PDGFD: variants seen among roughly 807,000 people sequenced by gnomAD.
PDGFD encodes platelet derived growth factor D, also known as platelet-derived growth factor D.
A neutral mutation model predicts 44.7 loss-of-function variants in PDGFD; 30 were observed. The observed-to-expected ratio is 0.67, with a 90% CI of 0.50 to 0.91. PDGFD has a LOEUF of 0.91. Ranked by LOEUF, PDGFD falls within the 40% of genes least tolerant of loss-of-function variation. The pLI is 0.00. For missense variants in PDGFD, 445 were observed against 457.8 expected, an observed-to-expected ratio of 0.97 and a Z score of 0.25; for synonymous variants, 173 against 168.4, an observed-to-expected ratio of 1.03 and a Z score of -0.21.
chr11:103,943,407 G>GT, intron 5 of PDGFD, 45 bp downstream of exon 5: 1 of 1,552,380 alleles, frequency 6.4e-7, no homozygotes. Context: ...GTACTGTTAA[G>GT]ATTTCTATGT....
intron 1 of PDGFD, among the ~76,000 whole-genome samples, chr11:104,024,952 A>G (rs150167105): frequency 6.6e-4 from 101 of 152,334 alleles, no homozygotes; most frequent in African/African-American, 2.4e-3. Context: ...AGTGATTGAT[A>G]CTTTAGAATA....
chr11:103,978,320 T>C (rs1156424343), intron 3 of PDGFD, among the ~76,000 whole-genome samples: 3 of 152,002 alleles, frequency 2.0e-5, no homozygotes, highest in Admixed American at 1.3e-4. Flanking sequence ...TTTCAAAACA[T>C]GAACATTGTC....
intron 1 of PDGFD, among the ~76,000 whole-genome samples, chr11:104,017,984 T>TA (rs1305045252): frequency 6.6e-6 from 1 of 152,210 alleles, no homozygotes; most frequent in East Asian, 1.9e-4. Context: ...ATTTTCAGAT[T>TA]AAAAAAATAC....
chr11:103,954,082 A>C (rs143155926), intron 3 of PDGFD, among the ~76,000 whole-genome samples: 2 of 152,350 alleles, frequency 1.3e-5, no homozygotes, highest in East Asian at 3.9e-4. Context: ...TGTCAACAAC[A>C]ATCCTTGCTA....
chr11:103,938,553 G>A (rs1858530650), intron 5 of PDGFD, among the ~76,000 whole-genome samples: 1 of 152,002 alleles, frequency 6.6e-6, no homozygotes, highest in South Asian at 2.1e-4. Context: ...AAGCTCTTTA[G>A]TTTAATTAGA....
chr11:103,941,585 C>A (rs10750678), intron 5 of PDGFD, among the ~76,000 whole-genome samples: 49,417 of 151,752 alleles, frequency 0.33, 8,400 homozygotes, highest in East Asian at 0.39. Context: ...TGTTATTGCA[C>A]ACACATTGCC....
At chr11:104,058,042 TGTGAA>T (rs1860649928) in intron 1 of PDGFD, among the ~76,000 whole-genome samples, 1 of 152,136 alleles carries the variant, frequency 6.6e-6, no homozygotes, top group African/African-American at 2.4e-5. Context: ...TAGACCTAAA[TGTGAA>T]GCCTGTAATA....
At chr11:103,977,188 G>C (rs987430832) in intron 3 of PDGFD, among the ~76,000 whole-genome samples, 1 of 152,012 alleles carries the variant, frequency 6.6e-6, no homozygotes, top group Non-Finnish European at 1.5e-5. Context: ...CTGAAATTGA[G>C]GCAGTAATTA....
intron 3 of PDGFD, among the ~76,000 whole-genome samples, chr11:103,967,757 C>T (rs1859043471): frequency 6.6e-6 from 1 of 152,168 alleles, no homozygotes; most frequent in Non-Finnish European, 1.5e-5. Context: ...GCCTTTCTTC[C>T]ACCCATATCT....
rs529582834 is a variant in PDGFD, at chr11:103,943,929, G to A, written c.574-279C>T. 4.6e-5 allele frequency among the ~76,000 whole-genome samples: 7 copies of A among 151,584 alleles called. No homozygotes were observed. In the South Asian group the frequency reaches 1.5e-3, roughly 32 times the overall value. ...GTGTAATCATCTAAAAATATAGAAC[G>A]AGATAGAAATATATAAAATTAAGTT... On this transcript the variant is annotated intron_variant, in intron 4 of 6. Coordinates refer to ENST00000393158, the MANE Select transcript of PDGFD (RefSeq NM_025208.5).
At chr11:103,976,209 C>G (rs985799323) in intron 3 of PDGFD, among the ~76,000 whole-genome samples, 1 of 152,118 alleles carries the variant, frequency 6.6e-6, no homozygotes, top group Non-Finnish European at 1.5e-5. Flanking sequence ...AGAGGTCCTT[C>G]ACATCCGTTG....
intron 3 of PDGFD, among the ~76,000 whole-genome samples, chr11:103,957,502 C>T (rs1339180903): frequency 2.6e-5 from 4 of 152,122 alleles, no homozygotes; most frequent in Admixed American, 2.6e-4. Context: ...CAGCATGGTA[C>T]AGGTACCAAA....
intron 1 of PDGFD, among the ~76,000 whole-genome samples, chr11:104,017,522 T>C (rs1179388065): frequency 6.6e-6 from 1 of 152,232 alleles, no homozygotes; most frequent in African/African-American, 2.4e-5. Flanking sequence ...TTCATCACTG[T>C]TCTGCCCGAT....
intron 1 of PDGFD, among the ~76,000 whole-genome samples, chr11:104,112,265 GC>G (rs1861569952): frequency 6.6e-6 from 1 of 151,902 alleles, no homozygotes; most frequent in African/African-American, 2.4e-5. Context: ...GTTTTGACTT[GC>G]ATTTCTCTAA....
chr11:104,034,633 C>G (rs947347852), intron 1 of PDGFD, among the ~76,000 whole-genome samples: 2 of 143,556 alleles, frequency 1.4e-5, no homozygotes, highest in Non-Finnish European at 3.0e-5. Context: ...GAGCTCTGCA[C>G]AGTGCAAAAC....
chr11:104,091,405 T>G (rs1861211519), intron 1 of PDGFD, among the ~76,000 whole-genome samples: 1 of 152,186 alleles, frequency 6.6e-6, no homozygotes, highest in Non-Finnish European at 1.5e-5. Flanking sequence ...GCAGCCCTTC[T>G]CTCTACTTCT....
intron 1 of PDGFD, among the ~76,000 whole-genome samples, chr11:104,023,161 A>G (rs1859989757): frequency 6.6e-6 from 1 of 152,144 alleles, no homozygotes; most frequent in African/African-American, 2.4e-5. Context: ...TATGACCTTG[A>G]GTATCTCCTC....
intron 1 of PDGFD, among the ~76,000 whole-genome samples, chr11:104,154,948 T>C (rs1284809309): frequency 1.3e-5 from 2 of 152,232 alleles, no homozygotes; most frequent in Non-Finnish European, 2.9e-5. Context: ...CTCCAAGCTA[T>C]TAACTATTCT....
chr11:104,091,840 A>G (rs1861216385), intron 1 of PDGFD, among the ~76,000 whole-genome samples: 1 of 152,352 alleles, frequency 6.6e-6, no homozygotes, highest in Middle Eastern at 3.4e-3. Flanking sequence ...GTAACAGACC[A>G]TGAGGATTGA....
Sources: gnomAD v4.1 joint callset for allele counts (sites outside exome capture counted in the v4.1 genomes callset) on GRCh38, gnomAD v4.1.1 for gene constraint, MANE v1.5 for transcripts, NCBI Gene and HGNC (gene_info 2026-07-23, HGNC 2026-07-21) for gene names.